Variants in ZNF678 observed in about 807,000 individuals in gnomAD.
ZNF678 encodes zinc finger protein 678.
In ZNF678, 5 loss-of-function variants were observed where a neutral mutation model predicts 3.0. The ratio of observed to expected loss-of-function variants is 1.69; its 90% CI spans 0.88 to 3.56. The LOEUF (loss-of-function observed/expected upper bound fraction) is 3.56, where lower values mean the gene tolerates loss of function less well. Among genes scored for constraint, ZNF678 ranks in the 30% most tolerant of loss-of-function variants. The probability of loss-of-function intolerance (pLI) is 0.00; values close to 1 mark genes in which losing one functional copy is unlikely to be tolerated. For missense variants in ZNF678, 593 were observed against 605.0 expected (o/e 0.98, Z 0.21); for synonymous variants, 218 against 199.6 (o/e 1.09, Z -0.78).
downstream of ZNF678, among the ~76,000 whole-genome samples, chr1:227,679,629 T>G (rs1432795170): frequency 6.6e-6 from 1 of 152,022 alleles, no homozygotes; most frequent in Non-Finnish European, 1.5e-5. Flanking sequence ...GACAGGAGAC[T>G]TGCCGATGCT....
chr1:227,569,268 G>T (rs895367275), intron 1 of ZNF678, among the ~76,000 whole-genome samples: 6 of 152,124 alleles, frequency 3.9e-5, no homozygotes, highest in Admixed American at 3.9e-4. Context: ...AAGATTATAG[G>T]TGTGAACCCC....
At chr1:227,591,510 C>T (rs1290443937) in intron 1 of ZNF678, among the ~76,000 whole-genome samples, 1 of 152,178 alleles carries the variant, frequency 6.6e-6, no homozygotes, top group East Asian at 1.9e-4. Flanking sequence ...CTATTTTTAA[C>T]TTATTAATGA....
chr1:227,612,847 A>C (rs1393312499), intron 1 of ZNF678, among the ~76,000 whole-genome samples: 1 of 152,106 alleles, frequency 6.6e-6, no homozygotes, highest in East Asian at 1.9e-4. Context: ...ACTGTGGGTG[A>C]CACCTACAAC....
At chr1:227,629,469 T>G (rs2102778925) in intron 1 of ZNF678, among the ~76,000 whole-genome samples, 1 of 152,330 alleles carries the variant, frequency 6.6e-6, no homozygotes, top group Non-Finnish European at 1.5e-5. Flanking sequence ...AGTCACAACT[T>G]AGTGACTGGG....
At chr1:227,669,983 A>C (rs1354183670) in intron 5 of ZNF678, among the ~76,000 whole-genome samples, 1 of 152,230 alleles carries the variant, frequency 6.6e-6, no homozygotes, top group Non-Finnish European at 1.5e-5. Context: ...GTATTAAGAA[A>C]ACGTACATTT....
chr1:227,579,554 T>C (rs1430197019), intron 1 of ZNF678, among the ~76,000 whole-genome samples: 1 of 151,990 alleles, frequency 6.6e-6, no homozygotes, highest in African/African-American at 2.4e-5. Context: ...AGCAAAGTGA[T>C]GTGGGAAGTT....
intron 1 of ZNF678, among the ~76,000 whole-genome samples, chr1:227,620,357 T>C (rs1335887552): frequency 6.6e-6 from 1 of 152,192 alleles, no homozygotes; most frequent in Admixed American, 6.5e-5. Flanking sequence ...CCACTTACAT[T>C]GTGCTGAAAA....
At chr1:227,633,226 G>A (rs1238183343) in intron 1 of ZNF678, among the ~76,000 whole-genome samples, 2 of 152,168 alleles carry the variant, frequency 1.3e-5, no homozygotes, top group South Asian at 2.1e-4. Flanking sequence ...CAGACCAGAA[G>A]AGTGTGCAGT....
chr1:227,625,237 C>G (rs1051024803), intron 1 of ZNF678, among the ~76,000 whole-genome samples: 1 of 152,190 alleles, frequency 6.6e-6, no homozygotes, highest in Non-Finnish European at 1.5e-5. Flanking sequence ...CTTAGGAATT[C>G]TTCGTCGGCC....
At chr1:227,623,130 A>G (rs925127850) in intron 1 of ZNF678, among the ~76,000 whole-genome samples, 1 of 152,152 alleles carries the variant, frequency 6.6e-6, no homozygotes, top group African/African-American at 2.4e-5. Context: ...AAATAATCTT[A>G]GTGTTTATTG....
At chr1:227,644,302 T>C (rs1422978708) in intron 1 of ZNF678, among the ~76,000 whole-genome samples, 2 of 152,238 alleles carry the variant, frequency 1.3e-5, no homozygotes, top group East Asian at 1.9e-4. Context: ...ACTCACATAA[T>C]GTGAGGTTCC....
downstream of ZNF678, among the ~76,000 whole-genome samples, chr1:227,665,194 C>T (rs181932446): frequency 5.2e-4 from 79 of 152,312 alleles, no homozygotes; most frequent in Admixed American, 1.4e-3. Flanking sequence ...TGGACTACAG[C>T]TCAAACAGGC....
intron 1 of ZNF678, among the ~76,000 whole-genome samples, chr1:227,637,410 T>C (rs987267278): frequency 6.6e-6 from 1 of 152,186 alleles, no homozygotes; most frequent in Admixed American, 6.5e-5. Context: ...CATGGAGAGA[T>C]AGTTTTAGGC....
At chr1:227,643,034 T>C (rs1035435400) in intron 1 of ZNF678, among the ~76,000 whole-genome samples, 8 of 152,308 alleles carry the variant, frequency 5.3e-5, no homozygotes, top group Admixed American at 5.2e-4. Flanking sequence ...GTATGTGGCC[T>C]GTTTTTTTAA....
intron 1 of ZNF678, among the ~76,000 whole-genome samples, chr1:227,597,923 G>A (rs9726691): frequency 0.22 from 32,842 of 151,984 alleles, 4,042 homozygotes; most frequent in African/African-American, 0.33. Context: ...TAAAGAGATA[G>A]CAAACCAGCT....
At chr1:227,629,546 T>G (rs1658499597) in intron 1 of ZNF678, among the ~76,000 whole-genome samples, 1 of 152,220 alleles carries the variant, frequency 6.6e-6, no homozygotes, top group Non-Finnish European at 1.5e-5. Context: ...GACAGTTGTC[T>G]GGGACAGGAG....
intron 1 of ZNF678, among the ~76,000 whole-genome samples, chr1:227,615,747 C>T (rs1429911318): frequency 6.6e-6 from 1 of 152,216 alleles, no homozygotes; most frequent in Admixed American, 6.5e-5. Context: ...CAATTTCCAT[C>T]ACAGGGTCAT....
In ZNF678 at chr1:227,657,749, T is replaced by C. The variant is rs1217417964; in HGVS notation, c.*1921T>C. 1 of 151,988 alleles carries C rather than the reference T, an allele frequency of 6.6e-6. No individual in the cohort carries two copies. The highest frequency in any genetic ancestry group is 1.5e-5 in the Non-Finnish European group (1 of 67,920). 9.4% of individuals were successfully genotyped at this position (151,988 alleles called of 1,614,324 possible). A position where few individuals can be genotyped will look rare whatever the true frequency, so the allele number is the denominator to read the frequency against. ...TTGTGTTTGAGTGTAGGTGTGTACT[T>C]TTTTGAGAAGAAAACAAAAATATTG... On this transcript the variant is annotated 3_prime_UTR_variant, in exon 4 of 4. Transcript: ENST00000343776.
intron 5 of ZNF678, among the ~76,000 whole-genome samples, chr1:227,672,025 T>C (rs1659608263): frequency 6.6e-6 from 1 of 152,166 alleles, no homozygotes; most frequent in Non-Finnish European, 1.5e-5. Flanking sequence ...AGAAATGCAT[T>C]CCATGCAGAG....
Sources: gnomAD v4.1 joint callset for allele counts (sites outside exome capture counted in the v4.1 genomes callset) on GRCh38, gnomAD v4.1.1 for gene constraint, MANE v1.5 for transcripts, NCBI Gene and HGNC (gene_info 2026-07-23, HGNC 2026-07-21) for gene names.